Variants in MYT1L observed in about 807,000 individuals in gnomAD.
MYT1L encodes the protein myelin transcription factor 1 like.
A neutral mutation model predicts 126.7 loss-of-function variants in MYT1L; 12 were observed. The observed-to-expected ratio is 0.09, with a 90% confidence interval of 0.06 to 0.15. The LOEUF is 0.15. Ranked by LOEUF, MYT1L falls within the 10% of genes least tolerant of loss-of-function variation. MYT1L has a pLI of 1.00. For missense variants in MYT1L, 979 were observed against 1,585.2 expected, an observed-to-expected ratio of 0.62 and a Z score of 6.49; for synonymous variants, 541 against 604.2, an observed-to-expected ratio of 0.90 and a Z score of 1.53.
intron 23 of MYT1L, among the ~76,000 whole-genome samples, chr2:1,797,022 G>A (rs946336118): frequency 4.6e-5 from 7 of 152,232 alleles, no homozygotes; most frequent in Admixed American, 3.9e-4. Flanking sequence ...CCGGGCTCTG[G>A]TGTGAACTGA....
chr2:2,154,802 C>T (rs2086451289), intron 3 of MYT1L, among the ~76,000 whole-genome samples: 1 of 152,162 alleles, frequency 6.6e-6, no homozygotes, highest in East Asian at 1.9e-4. Flanking sequence ...TGGAACAAAC[C>T]TGCACATGTA....
Position 2,273,087 on chromosome 2 carries a change from G to C in MYT1L, c.-421+11317C>G, listed in dbSNP as rs1023407488. 3.3e-5 allele frequency among the ~76,000 whole-genome samples: 5 copies of C among 152,202 alleles called. No homozygotes were observed. In the South Asian group the frequency reaches 8.3e-4, roughly 25 times the overall value. ...TGTCTCTCACGGAATCCAAAGCCTG[G>C]CTTTGTGTCCACATGCCCCCAGCGG... On this transcript the variant is annotated intron_variant, in intron 2 of 24. Coordinates refer to ENST00000647738, the MANE Select transcript of MYT1L (RefSeq NM_001303052.2).
chr2:2,234,678 A>G (rs1007915812), intron 2 of MYT1L, among the ~76,000 whole-genome samples: 2 of 152,212 alleles, frequency 1.3e-5, no homozygotes, highest in Non-Finnish European at 2.9e-5. Flanking sequence ...GAGGCAGTGC[A>G]TTAAAAGGGT....
At chr2:2,136,079 A>G (rs111593778) in intron 3 of MYT1L, among the ~76,000 whole-genome samples, 6,530 of 152,302 alleles carry the variant, frequency 0.043, 209 homozygotes, top group Non-Finnish European at 0.066. Flanking sequence ...TTGCAAGGAC[A>G]TGGATGAAGC....
At chr2:2,140,801 T>TGAGG (rs1559128382) in intron 3 of MYT1L, among the ~76,000 whole-genome samples, 3 of 152,194 alleles carry the variant, frequency 2.0e-5, no homozygotes, top group African/African-American at 7.2e-5. Flanking sequence ...ATTCCTGACC[T>TGAGG]CAGGTGATCC....
chr2:1,933,020 C>CT (rs2055229961), intron 9 of MYT1L, among the ~76,000 whole-genome samples: 1 of 152,118 alleles, frequency 6.6e-6, no homozygotes, highest in African/African-American at 2.4e-5. Flanking sequence ...GGGAGGCTCC[C>CT]TGGAGGCTCA....
At chr2:2,052,222 T>A (rs1371081224) in intron 4 of MYT1L, among the ~76,000 whole-genome samples, 2 of 152,060 alleles carry the variant, frequency 1.3e-5, no homozygotes, top group African/African-American at 4.8e-5. Flanking sequence ...ACACACAGAG[T>A]ATACCCACAT....
chr2:2,123,028 T>C lies in MYT1L; in HGVS notation c.-304+49844A>G, dbSNP rs528766402. ...ATGCAAACTGAGAGAAGCCAGGAGA[T>C]TGAGGGGTTTTCAGGGCACGCTGGC... On this transcript the variant is annotated intron_variant, in intron 3 of 24. Transcript: ENST00000647738. Among the ~76,000 whole-genome samples the C allele has an allele frequency of 7.0e-4, 106 of 151,840 alleles. 1 individual carries two copies. Among genetic ancestry groups the C allele is most frequent in the African/African-American group, 2.3e-3 (96 of 41,392 alleles).
At chr2:1,842,947 GC>G (rs2041992386) in intron 19 of MYT1L, 2 of 174,018 alleles carry the variant, frequency 1.1e-5, no homozygotes, top group Non-Finnish European at 2.4e-5. Context: ...GCTTCCAGGC[GC>G]TTCCGCTTCC....
intron 3 of MYT1L, among the ~76,000 whole-genome samples, chr2:2,070,466 C>A (rs2150227825): frequency 6.6e-6 from 1 of 152,284 alleles, no homozygotes; most frequent in Non-Finnish European, 1.5e-5. Flanking sequence ...AATGACAGGA[C>A]ATGGAAGAAC....
intron 4 of MYT1L, among the ~76,000 whole-genome samples, chr2:1,998,818 C>T (rs1336151113): frequency 2.6e-5 from 4 of 152,218 alleles, no homozygotes; most frequent in East Asian, 1.9e-4. Context: ...GACCCCAGAG[C>T]CCACACAATT....
intron 4 of MYT1L, among the ~76,000 whole-genome samples, chr2:2,012,049 G>A (rs1423927523): frequency 2.6e-5 from 4 of 152,240 alleles, no homozygotes. Flanking sequence ...CACCAGAGTC[G>A]AGTCACTATG....
intron 3 of MYT1L, among the ~76,000 whole-genome samples, chr2:2,082,023 G>A (rs2075886793): frequency 1.3e-5 from 2 of 152,124 alleles, no homozygotes; most frequent in Admixed American, 6.5e-5. Context: ...TTACAGGTGT[G>A]AGCCACCACA....
chr2:2,163,473 C>A (rs999697853), intron 3 of MYT1L, among the ~76,000 whole-genome samples: 1 of 152,052 alleles, frequency 6.6e-6, no homozygotes, highest in Non-Finnish European at 1.5e-5. Flanking sequence ...CACCTGTAAT[C>A]CCAGCACTTT....
At chr2:1,822,083 T>C (rs1293289434) in intron 21 of MYT1L, among the ~76,000 whole-genome samples, 1 of 152,134 alleles carries the variant, frequency 6.6e-6, no homozygotes, top group Non-Finnish European at 1.5e-5. Flanking sequence ...CTCCTCTTTT[T>C]CTGGGTTCTT....
chr2:2,094,988 T>C (rs2077290669), intron 3 of MYT1L, among the ~76,000 whole-genome samples: 1 of 152,218 alleles, frequency 6.6e-6, no homozygotes, highest in Non-Finnish European at 1.5e-5. Context: ...CACCTGCTGC[T>C]CCTTCAAGCG....
chr2:2,126,848 C>G lies in MYT1L; in HGVS notation c.-304+46024G>C, dbSNP rs118017654. 9.3e-4 allele frequency among the ~76,000 whole-genome samples: 141 copies of G among 152,274 alleles called. 3 individuals carry two copies. The East Asian group carries it at 0.026, about 29-fold the overall frequency. On this transcript the variant is annotated intron_variant, in intron 3 of 24. Transcript: ENST00000647738. ...CCAGATGAACACTAATTTTTGAGTA[C>G]CAAAATTTTCATTCCTTGAGTTTCA...
At chr2:2,269,926 A>G (rs1249677309) in intron 2 of MYT1L, among the ~76,000 whole-genome samples, 1 of 152,140 alleles carries the variant, frequency 6.6e-6, no homozygotes, top group African/African-American at 2.4e-5. Context: ...ATGACTTCTG[A>G]TCTAATATTA....
In MYT1L at chr2:1,910,329, G is replaced by T; in HGVS notation, c.1728C>A (p.Ile576=). ...NSHRSLSGCP[I]AAAEKLAKAQ... The stretch of plus-strand genomic sequence containing the variant: ...CCTTGGCCAGTTTCTCTGCTGCAGC[G>T]ATCGGGCATCCGGAGAGGCTGCAAT... The change falls in exon 13 of 25, where the codon ATC becomes ATA. Residue 576 remains isoleucine, a synonymous_variant. Transcript: ENST00000647738. The surrounding 1 kb of genome is among the most constrained non-coding windows in gnomAD (Gnocchi z 4.8). The T allele has an allele frequency of 6.2e-7, 1 of 1,612,214 alleles. No homozygotes were observed. The highest frequency in any genetic ancestry group is 8.5e-7 in the Non-Finnish European group (1 of 1,179,874).
Sources: allele counts gnomAD v4.1 joint callset (sites outside exome capture counted in the v4.1 genomes callset), GRCh38; gene constraint gnomAD v4.1.1; non-coding constraint Gnocchi (gnomAD v3.1); transcripts MANE v1.5; gene names NCBI Gene and HGNC (gene_info 2026-07-23, HGNC 2026-07-21).